The following TENM4 variants were observed in gnomAD, a reference collection of about 807,000 sequenced individuals.
TENM4 encodes teneurin-4.
A neutral mutation model predicts 243.3 loss-of-function variants in TENM4; 82 were observed. The observed-to-expected ratio is 0.34, with a 90% confidence interval of 0.28 to 0.40. The LOEUF is 0.40. Ranked by LOEUF, TENM4 falls within the 10% of genes least tolerant of loss-of-function variation. The pLI is 1.00. For missense variants in TENM4, 3,138 were observed against 3,673.3 expected (o/e 0.85, Z 3.77); for synonymous variants, 1,412 against 1,456.3 (o/e 0.97, Z 0.69).
rs143739410 is a variant in TENM4 at position 79,026,514 on chromosome 11, C to T, written c.493+38224G>A. On this transcript the variant is annotated intron_variant, in intron 6 of 33. Transcript: ENST00000278550. ...AGGAATTGAGCAGGGAGGACATCTT[C>T]CAGCCCTTCAAAGTCAAACTTTGGA... Among the ~76,000 whole-genome samples the T allele has an allele frequency of 3.0e-3, 456 of 152,316 alleles. 3 individuals carry two copies. The highest frequency in any genetic ancestry group is 0.011 in the African/African-American group (441 of 41,556).
chr11:78,855,923 G>C, intron 11 of TENM4, 41 bp downstream of exon 11: 1 of 1,534,584 alleles, frequency 6.5e-7, no homozygotes, highest in Non-Finnish European at 8.8e-7. Flanking sequence ...TTTGAGGTAG[G>C]AGCCCATGCA....
chr11:78,907,770 C>G (rs1856095561), intron 6 of TENM4, among the ~76,000 whole-genome samples: 1 of 152,206 alleles, frequency 6.6e-6, no homozygotes, highest in African/African-American at 2.4e-5. Context: ...TTTGCCTGCA[C>G]AAGCAGTTGC....
At chr11:79,321,662 A>AAAAG (rs1565298550) in intron 1 of TENM4, among the ~76,000 whole-genome samples, 1 of 146,022 alleles carries the variant, frequency 6.8e-6, no homozygotes. Flanking sequence ...AAAAAAAAAA[A>AAAAG]AAGGGAGAGA....
chr11:78,923,624 G>A (rs1856492832), intron 6 of TENM4, among the ~76,000 whole-genome samples: 1 of 149,056 alleles, frequency 6.7e-6, no homozygotes, highest in South Asian at 2.1e-4. Context: ...TGCAACTTCT[G>A]CTTCCTGTGT....
intron 19 of TENM4, among the ~76,000 whole-genome samples, chr11:78,752,403 G>T (rs2135942785): frequency 6.6e-6 from 1 of 152,278 alleles, no homozygotes; most frequent in South Asian, 2.1e-4. Context: ...GGTCCCAGCA[G>T]CTGAGGTCCC....
chr11:79,052,603 A>G (rs1320794984), intron 6 of TENM4, among the ~76,000 whole-genome samples: 1 of 152,202 alleles, frequency 6.6e-6, no homozygotes, highest in East Asian at 1.9e-4. Context: ...TATGAGTAAA[A>G]AGAAATAAAG....
intron 6 of TENM4, among the ~76,000 whole-genome samples, chr11:78,924,011 C>G (rs1464785316): frequency 6.6e-6 from 1 of 151,432 alleles, no homozygotes; most frequent in Non-Finnish European, 1.5e-5. Flanking sequence ...CCTGCCACCA[C>G]GCCTGGCTTA....
At chr11:78,908,867 G>T (rs936890035) in intron 6 of TENM4, among the ~76,000 whole-genome samples, 1 of 152,206 alleles carries the variant, frequency 6.6e-6, no homozygotes, top group Non-Finnish European at 1.5e-5. Flanking sequence ...ATATTAAACA[G>T]CCCCTTGTTG....
At chr11:79,432,761 G>C (rs1859195349) in intron 1 of TENM4, among the ~76,000 whole-genome samples, 1 of 152,156 alleles carries the variant, frequency 6.6e-6, no homozygotes. Context: ...CCTCTAAAGG[G>C]AAACACTTTG....
chr11:79,338,203 C>G (rs1015281458), intron 1 of TENM4, among the ~76,000 whole-genome samples: 3 of 152,156 alleles, frequency 2.0e-5, no homozygotes, highest in Admixed American at 6.5e-5. Flanking sequence ...TTAAGCAGTC[C>G]CAGCATGTTC....
chr11:78,692,738 T>A (rs1858857321), intron 28 of TENM4, among the ~76,000 whole-genome samples: 1 of 152,348 alleles, frequency 6.6e-6, no homozygotes, highest in South Asian at 2.1e-4. Flanking sequence ...TCTCCCTGTA[T>A]CTGCTTCTGG....
chr11:79,388,395 A>T (rs934248061), intron 1 of TENM4, among the ~76,000 whole-genome samples: 4 of 152,226 alleles, frequency 2.6e-5, no homozygotes, highest in Non-Finnish European at 5.9e-5. Context: ...ATTCAAGGGA[A>T]ACCACTTTGT....
chr11:79,054,434 T>C (rs1012133904), intron 6 of TENM4, among the ~76,000 whole-genome samples: 1 of 152,134 alleles, frequency 6.6e-6, no homozygotes, highest in African/African-American at 2.4e-5. Context: ...CATGGAGTTT[T>C]TGAGCTAAGG....
Position 78,708,459 on chromosome 11 carries a change from G to T in TENM4, c.4111C>A (p.Arg1371Ser), listed in dbSNP as rs374934640. The stretch of plus-strand genomic sequence containing the variant: ...GAGATGATCCCATTCTGATCGATGC[G>T]TCTGATCATGGTGCCATCCACGAAG... ...IYFVDGTMIR[R>S]IDQNGIISTL... The change falls in exon 27 of 34, where the codon CGC becomes AGC. Residue 1371 changes from arginine to serine, a missense_variant. Transcript: ENST00000278550. 9 of 1,614,014 alleles carry T rather than the reference G, an allele frequency of 5.6e-6. No homozygotes were observed. In the East Asian group the frequency reaches 1.8e-4, roughly 32 times the overall value.
chr11:78,686,819 G>C (rs760032719), intron 29 of TENM4, among the ~76,000 whole-genome samples: 1 of 152,186 alleles, frequency 6.6e-6, no homozygotes, highest in Non-Finnish European at 1.5e-5. Flanking sequence ...GAATTCCAGC[G>C]TGTGGTTTCT....
intron 10 of TENM4, among the ~76,000 whole-genome samples, chr11:78,856,475 A>G (rs1049648903): frequency 1.3e-5 from 2 of 152,214 alleles, no homozygotes; most frequent in African/African-American, 4.8e-5. Flanking sequence ...CAGCTTGTTA[A>G]GATATATTTT....
chr11:79,118,083 A>C (rs929349447), intron 4 of TENM4, among the ~76,000 whole-genome samples: 1 of 152,184 alleles, frequency 6.6e-6, no homozygotes, highest in African/African-American at 2.4e-5. Flanking sequence ...TTTTCATAGC[A>C]GCTACATCAT....
At chr11:79,210,296 A>T (rs1026317640) in intron 3 of TENM4, among the ~76,000 whole-genome samples, 4 of 152,142 alleles carry the variant, frequency 2.6e-5, no homozygotes, top group Admixed American at 2.6e-4. Flanking sequence ...TCACATCTTA[A>T]TCGTCATGTC....
intron 18 of TENM4, among the ~76,000 whole-genome samples, 169 bp from the exon 19 acceptor site, chr11:78,757,190 G>C (rs1205806175): frequency 6.6e-6 from 1 of 152,242 alleles, no homozygotes; most frequent in Non-Finnish European, 1.5e-5. Flanking sequence ...AAGTGACTCA[G>C]ATGTGGTCCT....
Sources: allele counts gnomAD v4.1 joint callset (sites outside exome capture counted in the v4.1 genomes callset), GRCh38; gene constraint gnomAD v4.1.1; transcripts MANE v1.5; gene names NCBI Gene and HGNC (gene_info 2026-07-23, HGNC 2026-07-21).